LARS2: variants seen among roughly 807,000 people sequenced by gnomAD.
LARS2 encodes leucyl-tRNA synthetase 2, mitochondrial, also known as leucine--tRNA ligase, mitochondrial.
Under a neutral mutation model 116.6 loss-of-function variants are expected in LARS2, and 81 were observed. The ratio of observed to expected loss-of-function variants is 0.69; its 90% CI spans 0.58 to 0.84. LARS2 has a LOEUF of 0.84. Ranked by LOEUF, LARS2 falls within the 40% of genes least tolerant of loss-of-function variation. The probability of loss-of-function intolerance (pLI) is 0.00; values close to 1 mark genes in which losing one functional copy is unlikely to be tolerated. For synonymous variants in LARS2, 396 were observed against 407.2 expected (o/e 0.97, Z 0.33); for missense variants, 968 against 1,114.5 (o/e 0.87, Z 1.87).
At chr3:45,533,167 T>TTC (rs1200151753) in intron 20 of LARS2, among the ~76,000 whole-genome samples, 2 of 141,976 alleles carry the variant, frequency 1.4e-5, no homozygotes, top group Non-Finnish European at 3.1e-5. Context: ...TTTTTTTTTT[T>TTC]TGAGATGGAG....
chr3:45,446,303 GA>G (rs1221059890), intron 6 of LARS2, among the ~76,000 whole-genome samples: 1 of 152,134 alleles, frequency 6.6e-6, no homozygotes, highest in East Asian at 1.9e-4. Flanking sequence ...TTTAGGCTTG[GA>G]AATATAAACC....
chr3:45,415,753 C>G (rs1698402599), intron 4 of LARS2, among the ~76,000 whole-genome samples: 1 of 151,138 alleles, frequency 6.6e-6, no homozygotes, highest in African/African-American at 2.4e-5. Context: ...GAGGCTCAGG[C>G]AGGAGGATCA....
At chr3:45,526,203 T>C (rs1443435346) in intron 20 of LARS2, among the ~76,000 whole-genome samples, 3 of 152,250 alleles carry the variant, frequency 2.0e-5, no homozygotes, top group African/African-American at 7.2e-5. Flanking sequence ...AACCTCTTTA[T>C]ACAATTAAAG....
intron 18 of LARS2, among the ~76,000 whole-genome samples, chr3:45,519,046 G>A (rs930752808): frequency 2.0e-5 from 3 of 152,144 alleles, no homozygotes; most frequent in Non-Finnish European, 1.5e-5. Flanking sequence ...TCAGATAAAA[G>A]AATTAGGTTA....
At chr3:45,413,506 A>G (rs190608874) in intron 4 of LARS2, among the ~76,000 whole-genome samples, 1 of 152,342 alleles carries the variant, frequency 6.6e-6, no homozygotes, top group South Asian at 2.1e-4. Context: ...ACTCAGAATT[A>G]GTAAGTAATG....
chr3:45,425,832 T>G (rs537442119), intron 6 of LARS2, among the ~76,000 whole-genome samples: 1 of 152,324 alleles, frequency 6.6e-6, no homozygotes, highest in East Asian at 1.9e-4. Flanking sequence ...CTAAAACGCT[T>G]GATGACAATG....
chr3:45,455,958 A>C lies in LARS2; in HGVS notation c.607-2785A>C, dbSNP rs537028120. On this transcript the variant is annotated intron_variant, in intron 7 of 21. Transcript: ENST00000645846. ...ATCCTAAAAAACATTGAATTCATAG[A>C]AGTAGAGAGTAGAATGATGGTTACC... 8.1e-4 allele frequency among the ~76,000 whole-genome samples: 123 copies of C among 152,182 alleles called. 1 individual carries two copies. The highest frequency in any genetic ancestry group is 3.5e-3 in the South Asian group (17 of 4,806).
intron 1 of LARS2, among the ~76,000 whole-genome samples, 174 bp from the exon 2 acceptor site, chr3:45,391,409 C>T (rs1435604560): frequency 4.7e-5 from 7 of 150,254 alleles, no homozygotes; most frequent in African/African-American, 9.8e-5. Flanking sequence ...CTCTTGAACC[C>T]GGGAGGCGGA....
chr3:45,475,262 G>A (rs572525406), intron 9 of LARS2, among the ~76,000 whole-genome samples: 8 of 152,158 alleles, frequency 5.3e-5, no homozygotes, highest in South Asian at 2.1e-4. Flanking sequence ...AGCACCTGCC[G>A]CTTGCCACTC....
In LARS2 at chr3:45,496,178, C is replaced by T. The variant is rs953366280; in HGVS notation, c.1524-97C>T. 1.2e-5 allele frequency: 12 copies of T among 962,968 alleles called. No individual in the cohort carries two copies. In the Admixed American group the frequency reaches 2.1e-4, roughly 17 times the overall value. The allele number at this position is 962,968 out of a possible 1,614,324, so 59.7% of individuals were successfully genotyped here. A position where few individuals can be genotyped will look rare whatever the true frequency, so the allele number is the denominator to read the frequency against. On this transcript the variant is annotated intron_variant, in intron 13 of 21. Coordinates refer to ENST00000645846, the MANE Select transcript of LARS2 (RefSeq NM_015340.4). ...CCAGCCTGTGGCTTTATTCTTATGA[C>T]ATTTTAAATTCATACTTATAGCTCT...
chr3:45,525,453 T>A (rs1184764657), intron 20 of LARS2, among the ~76,000 whole-genome samples: 1 of 152,224 alleles, frequency 6.6e-6, no homozygotes, highest in Non-Finnish European at 1.5e-5. Flanking sequence ...TGGAAAGGGC[T>A]TTGGAAATCA....
intron 9 of LARS2, among the ~76,000 whole-genome samples, chr3:45,476,066 T>C (rs1317546268): frequency 1.0e-4 from 1 of 9,844 alleles, no homozygotes; most frequent in East Asian, 0.12. Context: ...GTAGATGCCT[T>C]TTTTTTTTTT....
At chr3:45,441,449 T>A (rs980992495) in intron 6 of LARS2, among the ~76,000 whole-genome samples, 1 of 152,226 alleles carries the variant, frequency 6.6e-6, no homozygotes, top group Non-Finnish European at 1.5e-5. Flanking sequence ...TCATTGCTTC[T>A]GTTTTCTAGT....
At chr3:45,525,246 G>A (rs1190714470) in intron 20 of LARS2, among the ~76,000 whole-genome samples, 1 of 152,190 alleles carries the variant, frequency 6.6e-6, no homozygotes, top group African/African-American at 2.4e-5. Context: ...GAGGAAAAGC[G>A]AATCTGTTTT....
chr3:45,457,572 G>C (rs758578038), intron 7 of LARS2, among the ~76,000 whole-genome samples: 1 of 152,160 alleles, frequency 6.6e-6, no homozygotes, highest in Non-Finnish European at 1.5e-5. Context: ...CAGCTACCCA[G>C]GAGGCTGAGG....
intron 6 of LARS2, among the ~76,000 whole-genome samples, chr3:45,431,357 T>G (rs1415153144): frequency 6.6e-6 from 1 of 152,222 alleles, no homozygotes; most frequent in Non-Finnish European, 1.5e-5. Context: ...ACTAATACAT[T>G]TAAAAAAATT....
chr3:45,459,886 T>G (rs898169432), intron 8 of LARS2, among the ~76,000 whole-genome samples: 2 of 152,246 alleles, frequency 1.3e-5, no homozygotes, highest in Non-Finnish European at 2.9e-5. Context: ...GTTCTTCCCC[T>G]GTGGTAGTCA....
At chr3:45,395,511 T>G (rs897787115) in intron 3 of LARS2, among the ~76,000 whole-genome samples, 1 of 152,256 alleles carries the variant, frequency 6.6e-6, no homozygotes, top group Non-Finnish European at 1.5e-5. Flanking sequence ...CTGGGAGATG[T>G]GATTGTTACA....
At chr3:45,494,535 G>T (rs1699976297) in intron 13 of LARS2, among the ~76,000 whole-genome samples, 1 of 152,178 alleles carries the variant, frequency 6.6e-6, no homozygotes, top group South Asian at 2.1e-4. Flanking sequence ...CCTTAGAAGG[G>T]AGAGCCTGCT....
Sources: gnomAD v4.1 joint callset for allele counts (sites outside exome capture counted in the v4.1 genomes callset) on GRCh38, gnomAD v4.1.1 for gene constraint, MANE v1.5 for transcripts, NCBI Gene and HGNC (gene_info 2026-07-23, HGNC 2026-07-21) for gene names.